Variants in CDC42BPB observed in about 807,000 individuals in gnomAD.
CDC42BPB encodes CDC42 binding protein kinase beta.
A neutral mutation model predicts 214.9 loss-of-function variants in CDC42BPB; 37 were observed. That is an observed-to-expected ratio of 0.17 (90% CI 0.13 to 0.23). The LOEUF (loss-of-function observed/expected upper bound fraction) is 0.23, where lower values mean the gene tolerates loss of function less well. CDC42BPB is among the 10% of genes least tolerant of loss of function. The pLI, the probability that CDC42BPB is intolerant of heterozygous loss-of-function variation, is 1.00. For missense variants in CDC42BPB, 1,694 were observed against 2,227.0 expected (o/e 0.76, Z 4.82); for synonymous variants, 931 against 884.0 (o/e 1.05, Z -0.94).
At chr14:102,938,531 A>G in intron 34 of CDC42BPB, 120 bp from the exon 35 acceptor site, 2 of 1,438,212 alleles carry the variant, frequency 1.4e-6, no homozygotes, top group Non-Finnish European at 1.8e-6. Flanking sequence ...ATGGGGGCCA[A>G]GAGGGCTCTC....
chr14:102,952,680 T>C, intron 23 of CDC42BPB, 77 bp from the exon 24 acceptor site: 1 of 1,551,866 alleles, frequency 6.4e-7, no homozygotes, highest in South Asian at 1.2e-5. Context: ...GTGATCCAGT[T>C]TATACACAGC....
chr14:102,950,837 G>A (rs1319921501), intron 24 of CDC42BPB: 2 of 230,074 alleles, frequency 8.7e-6, no homozygotes, highest in Non-Finnish European at 1.4e-5. Context: ...GTGGTGAAGC[G>A]CACCTGTAAT....
chr14:103,017,926 C>A (rs544721941), intron 1 of CDC42BPB, among the ~76,000 whole-genome samples: 2 of 152,354 alleles, frequency 1.3e-5, no homozygotes, highest in South Asian at 4.1e-4. Context: ...TCCCTGTCTG[C>A]AGGAAATACA....
At chr14:102,969,855 T>C (rs1207887305) in intron 14 of CDC42BPB, among the ~76,000 whole-genome samples, 3 of 152,236 alleles carry the variant, frequency 2.0e-5, no homozygotes, top group Non-Finnish European at 4.4e-5. Flanking sequence ...AGGCTATGAA[T>C]TGATGGGGCT....
intron 2 of CDC42BPB, among the ~76,000 whole-genome samples, chr14:103,010,476 G>A (rs903301892): frequency 1.3e-5 from 2 of 152,178 alleles, no homozygotes; most frequent in Non-Finnish European, 2.9e-5. Flanking sequence ...TGCTGCGAGA[G>A]GGGGGCTATT....
At chr14:103,003,502 A>G (rs1244474528) in intron 4 of CDC42BPB, among the ~76,000 whole-genome samples, 1 of 151,366 alleles carries the variant, frequency 6.6e-6, no homozygotes, top group African/African-American at 2.4e-5. Flanking sequence ...GGCCTGGGGC[A>G]CCCCCCCCAC....
intron 21 of CDC42BPB, among the ~76,000 whole-genome samples, chr14:102,957,150 G>A (rs544920049): frequency 3.9e-5 from 5 of 127,138 alleles, no homozygotes; most frequent in South Asian, 2.6e-4. Flanking sequence ...GTGGTGAGCC[G>A]AAACTGCACC....
Position 103,001,664 on chromosome 14 carries a change from G to C in CDC42BPB, c.448-1951C>G, listed in dbSNP as rs889837885. Among the ~76,000 whole-genome samples, 4 of 152,286 alleles carry C rather than the reference G, an allele frequency of 2.6e-5. No individual in the cohort carries two copies. The highest frequency in any genetic ancestry group is 9.6e-5 in the African/African-American group (4 of 41,558). On this transcript the variant is annotated intron_variant, in intron 4 of 36. Coordinates refer to ENST00000361246, the MANE Select transcript of CDC42BPB (RefSeq NM_006035.4). The surrounding 1 kb of genome is among the most constrained non-coding windows in gnomAD (Gnocchi z 5.8). The stretch of plus-strand genomic sequence containing the variant: ...GTGTGGAGGGCGATGCAGAGGGGGC[G>C]GTGGATGCACACTGCAGGCATTCCA...
At chr14:103,043,121 G>A (rs551523541) in intron 1 of CDC42BPB, among the ~76,000 whole-genome samples, 4 of 152,254 alleles carry the variant, frequency 2.6e-5, no homozygotes, top group South Asian at 2.1e-4. Context: ...TTAGTCAGGC[G>A]TAATCCCAGC....
chr14:102,950,330 G>A, intron 25 of CDC42BPB, 136 bp downstream of exon 25: 2 of 1,223,792 alleles, frequency 1.6e-6, no homozygotes, highest in South Asian at 2.8e-5. Context: ...CAGTGCCCAG[G>A]AGGGTAAGCC....
intron 1 of CDC42BPB, among the ~76,000 whole-genome samples, chr14:103,017,606 A>G (rs1435064900): frequency 6.6e-6 from 1 of 152,142 alleles, no homozygotes; most frequent in Non-Finnish European, 1.5e-5. Flanking sequence ...ATTTTCCTGC[A>G]AAGATCCACA....
At chr14:103,023,967 G>A (rs972966123) in intron 1 of CDC42BPB, among the ~76,000 whole-genome samples, 1 of 152,172 alleles carries the variant, frequency 6.6e-6, no homozygotes, top group Non-Finnish European at 1.5e-5. Flanking sequence ...ACTGATGGGG[G>A]CGGTGCCCAC....
chr14:102,958,046 A>T (rs1189731298), intron 21 of CDC42BPB, among the ~76,000 whole-genome samples: 1 of 152,236 alleles, frequency 6.6e-6, no homozygotes, highest in Non-Finnish European at 1.5e-5. Flanking sequence ...CATAAAAGGG[A>T]ACAGATGGGG....
intron 5 of CDC42BPB, 71 bp downstream of exon 5, chr14:102,999,494 C>A: frequency 1.3e-6 from 2 of 1,526,958 alleles, no homozygotes; most frequent in Admixed American, 1.7e-5. Context: ...ACGGCCTGGA[C>A]TTGGGAGCTC....
intron 14 of CDC42BPB, among the ~76,000 whole-genome samples, chr14:102,969,734 G>A (rs1198699949): frequency 6.6e-6 from 1 of 152,244 alleles, no homozygotes; most frequent in African/African-American, 2.4e-5. Context: ...CCACCAGTGG[G>A]CCCCGACTGA....
In CDC42BPB at chr14:103,021,554, G is replaced by A. The variant is rs187046118; in HGVS notation, c.176-9366C>T. On this transcript the variant is annotated intron_variant, in intron 1 of 36. Coordinates refer to ENST00000361246, the MANE Select transcript of CDC42BPB (RefSeq NM_006035.4). ...AAAAATTAGCTGGGCATGGTGGCGC[G>A]TGCCTGCAGTCCCAGCTACTTGGGA... 1.6e-4 allele frequency among the ~76,000 whole-genome samples: 25 copies of A among 152,074 alleles called. No individual in the cohort carries two copies. In the East Asian group the frequency reaches 3.9e-3, roughly 24 times the overall value.
intron 9 of CDC42BPB, among the ~76,000 whole-genome samples, chr14:102,977,463 G>A (rs1178654946): frequency 6.6e-6 from 1 of 151,822 alleles, no homozygotes; most frequent in South Asian, 2.1e-4. Context: ...AGCTTCCATT[G>A]TCTCATTTCA....
chr14:103,041,498 C>T (rs1887991281), intron 1 of CDC42BPB: 1 of 1,371,248 alleles, frequency 7.3e-7, no homozygotes, highest in Non-Finnish European at 1.0e-6. Flanking sequence ...GCATGGAAGC[C>T]CCACTTCCAC....
chr14:103,056,208 T>A (rs1181677156), intron 1 of CDC42BPB, among the ~76,000 whole-genome samples: 1 of 151,976 alleles, frequency 6.6e-6, no homozygotes, highest in Non-Finnish European at 1.5e-5. Context: ...GATGAGAAAG[T>A]TTCTAAGTGA....
Sources: gnomAD v4.1 joint callset for allele counts (sites outside exome capture counted in the v4.1 genomes callset) on GRCh38, gnomAD v4.1.1 for gene constraint, Gnocchi (gnomAD v3.1) non-coding constraint, MANE v1.5 for transcripts, NCBI Gene and HGNC (gene_info 2026-07-23, HGNC 2026-07-21) for gene names.